CSPP1: variants seen among roughly 807,000 people sequenced by gnomAD.
CSPP1 encodes the protein centrosome and spindle pole associated protein 1.
CSPP1 carries 126 observed loss-of-function variants against 164.4 expected under a neutral mutation model. The ratio of observed to expected loss-of-function variants is 0.77; its 90% CI spans 0.66 to 0.89. The LOEUF is 0.89. Among genes scored for constraint, CSPP1 ranks in the 40% least tolerant of loss-of-function variants. The pLI is 0.00. For synonymous variants in CSPP1, 472 were observed against 476.7 expected (o/e 0.99, Z 0.13); for missense variants, 1,395 against 1,449.8 (o/e 0.96, Z 0.61).
chr8:67,070,722 A>AATAT (rs150664487), intron 1 of CSPP1, among the ~76,000 whole-genome samples: 38 of 144,906 alleles, frequency 2.6e-4, no homozygotes, highest in South Asian at 1.5e-3. Context: ...TATATATGTA[A>AATAT]ATATATATAT....
At chr8:67,160,030 T>TCTTTC (rs1827982574) in intron 21 of CSPP1, among the ~76,000 whole-genome samples, 1 of 109,174 alleles carries the variant, frequency 9.2e-6, no homozygotes, top group East Asian at 2.2e-4. Context: ...TCTTTTCTTT[T>TCTTTC]CTTTTTCTTT....
chr8:67,110,231 C>A (rs1423709334), intron 9 of CSPP1, among the ~76,000 whole-genome samples: 1 of 151,528 alleles, frequency 6.6e-6, no homozygotes, highest in Non-Finnish European at 1.5e-5. Flanking sequence ...AAGCAGGCTG[C>A]TTCTGCAGTC....
intron 24 of CSPP1, among the ~76,000 whole-genome samples, chr8:67,167,419 G>A (rs1223763807): frequency 3.3e-5 from 5 of 149,484 alleles, no homozygotes; most frequent in Non-Finnish European, 7.5e-5. Context: ...CCTCCTGGAC[G>A]GGGCGGCTGG....
intron 24 of CSPP1, 23 bp from the exon 25 acceptor site, chr8:67,172,393 T>A: frequency 6.3e-7 from 1 of 1,593,404 alleles, no homozygotes; most frequent in Non-Finnish European, 8.6e-7. Flanking sequence ...AAGCACATAT[T>A]ATGATTTGTC....
intron 14 of CSPP1, 101 bp downstream of exon 14, chr8:67,118,470 T>G (rs1818359672): frequency 8.1e-7 from 1 of 1,240,198 alleles, no homozygotes; most frequent in Non-Finnish European, 1.2e-6. Context: ...AAAGCACAAC[T>G]TTGCTTAATT....
At chr8:67,126,572 A>G (rs1820115890) in intron 15 of CSPP1, among the ~76,000 whole-genome samples, 1 of 152,186 alleles carries the variant, frequency 6.6e-6, no homozygotes, top group Non-Finnish European at 1.5e-5. Context: ...GCATGCGTTC[A>G]GTACCCTGGC....
At position 67,161,964 on chromosome 8, in the gene CSPP1, T is replaced by C; in HGVS notation, c.2643+49T>C. ...TTCATCCTAGCTCAGTTATTTTGGA[T>C]TGGGGGATCGAATGAAATTTTCTTT... On this transcript the variant is annotated intron_variant, in intron 22 of 30. Coordinates refer to ENST00000678616, the MANE Select transcript of CSPP1 (RefSeq NM_001382391.1). 2.5e-6 allele frequency: 3 copies of C among 1,223,358 alleles called. 1 individual carries two copies. The East Asian group carries it at 7.0e-5, about 29-fold the overall frequency. The allele number at this position is 1,223,358 out of a possible 1,614,324, so 75.8% of individuals were successfully genotyped here. A position where few individuals can be genotyped will look rare whatever the true frequency, so the allele number is the denominator to read the frequency against.
intron 1 of CSPP1, among the ~76,000 whole-genome samples, chr8:67,072,887 AAAAG>A (rs1253097385): frequency 2.5e-4 from 37 of 150,308 alleles, no homozygotes; most frequent in African/African-American, 7.1e-4. Context: ...AAAAAAAAAA[AAAAG>A]AAAGAAAGAA....
chr8:67,159,523 T>C (rs1213024688), intron 21 of CSPP1, among the ~76,000 whole-genome samples: 2 of 129,792 alleles, frequency 1.5e-5, no homozygotes, highest in African/African-American at 6.0e-5. Flanking sequence ...TTTTTTTTTT[T>C]TTTTTTTTTT....
chr8:67,114,777 A>G (rs964443804), intron 12 of CSPP1: 9 of 152,248 alleles, frequency 5.9e-5, no homozygotes, highest in Non-Finnish European at 1.0e-4. Flanking sequence ...ATATGTTGGC[A>G]TGTTAAATTT....
chr8:67,094,260 G>C (rs1812247196), intron 6 of CSPP1, among the ~76,000 whole-genome samples: 1 of 142,182 alleles, frequency 7.0e-6, no homozygotes, highest in South Asian at 2.3e-4. Flanking sequence ...TTTGCATTTA[G>C]TTTATCCTCT....
chr8:67,109,863 T>G (rs1816459843), intron 9 of CSPP1, among the ~76,000 whole-genome samples: 1 of 152,178 alleles, frequency 6.6e-6, no homozygotes, highest in African/African-American at 2.4e-5. Context: ...AAAGCTTTTG[T>G]AAGAAACTCT....
intron 17 of CSPP1, among the ~76,000 whole-genome samples, chr8:67,142,906 A>T (rs1563666762): frequency 6.6e-6 from 1 of 152,180 alleles, no homozygotes; most frequent in Non-Finnish European, 1.5e-5. Flanking sequence ...TTCTATTGTG[A>T]AATTAAGACC....
chr8:67,176,597 G>A (rs1249241406), intron 26 of CSPP1, among the ~76,000 whole-genome samples: 2 of 152,130 alleles, frequency 1.3e-5, no homozygotes, highest in Non-Finnish European at 2.9e-5. Flanking sequence ...CAGTCTGGTG[G>A]CATTTTTCTT....
intron 24 of CSPP1, among the ~76,000 whole-genome samples, chr8:67,171,386 C>T (rs982222333): frequency 7.3e-5 from 11 of 151,350 alleles, no homozygotes; most frequent in African/African-American, 2.2e-4. Context: ...GGCAAGAGAG[C>T]GAGACTCCAC....
intron 1 of CSPP1, among the ~76,000 whole-genome samples, chr8:67,073,569 G>C (rs1807288862): frequency 6.6e-6 from 1 of 152,176 alleles, no homozygotes; most frequent in Admixed American, 6.5e-5. Context: ...TGTAAAGGCT[G>C]CTATTGAGTC....
chr8:67,165,220 G>C lies in CSPP1; in HGVS notation c.2828+712G>C, dbSNP rs1324522074. Among the ~76,000 whole-genome samples the C allele has an allele frequency of 2.6e-5, 4 of 151,600 alleles. 1 individual carries two copies. In the South Asian group the frequency reaches 6.3e-4, roughly 24 times the overall value. On this transcript the variant is annotated intron_variant, in intron 24 of 30. Transcript: ENST00000678616. ...AATGGCGTGAACCCAGGAGGCGGAGGTTGCAGTGAGCCGAGATCACACCAC... is the reference window on the plus strand; with the variant it reads ...AATGGCGTGAACCCAGGAGGCGGAGCTTGCAGTGAGCCGAGATCACACCAC...
intron 4 of CSPP1, chr8:67,086,924 C>A: frequency 1.3e-6 from 1 of 780,490 alleles, no homozygotes; most frequent in Non-Finnish European, 1.9e-6. Context: ...AGGTTGCAAT[C>A]ATTTGCATTT....
At chr8:67,158,171 C>T (rs996784374) in intron 19 of CSPP1, among the ~76,000 whole-genome samples, 12 of 152,076 alleles carry the variant, frequency 7.9e-5, no homozygotes, top group Admixed American at 5.2e-4. Context: ...GAGATGTAGG[C>T]GTTAATAACT....
Sources: allele counts gnomAD v4.1 joint callset (sites outside exome capture counted in the v4.1 genomes callset), GRCh38; gene constraint gnomAD v4.1.1; transcripts MANE v1.5; gene names NCBI Gene and HGNC (gene_info 2026-07-23, HGNC 2026-07-21).